Variants in BRDT observed in about 807,000 individuals in gnomAD.
The protein encoded by BRDT is bromodomain testis-specific protein.
BRDT carries 77 observed loss-of-function variants against 113.9 expected under a neutral mutation model. The ratio of observed to expected loss-of-function variants is 0.68; its 90% CI spans 0.56 to 0.82. The LOEUF is 0.82. Ranked by LOEUF, BRDT falls within the 40% of genes least tolerant of loss-of-function variation. The probability of loss-of-function intolerance (pLI) is 0.00; values close to 1 mark genes in which losing one functional copy is unlikely to be tolerated. For missense variants in BRDT, 1,027 were observed against 1,105.4 expected (o/e 0.93, Z 1.01); for synonymous variants, 358 against 366.5 (o/e 0.98, Z 0.26).
intron 15 of BRDT, among the ~76,000 whole-genome samples, chr1:91,995,609 T>G (rs1203865203): frequency 6.6e-6 from 1 of 151,846 alleles, no homozygotes; most frequent in Non-Finnish European, 1.5e-5. Flanking sequence ...ATTACAGGCA[T>G]GTGCCACCAT....
At chr1:91,968,914 ATTT>A (rs1683338101) in intron 4 of BRDT, among the ~76,000 whole-genome samples, 1 of 7,120 alleles carries the variant, frequency 1.4e-4, no homozygotes, top group Non-Finnish European at 7.8e-4. Context: ...CAGGAAAATT[ATTT>A]ATTTATTTAT....
At chr1:91,975,130 G>A (rs1402775598) in intron 4 of BRDT, among the ~76,000 whole-genome samples, 1 of 151,998 alleles carries the variant, frequency 6.6e-6, no homozygotes, top group Non-Finnish European at 1.5e-5. Context: ...GGGGCCTGTC[G>A]TGGGGTAGGG....
intron 17 of BRDT, 25 bp downstream of exon 17, chr1:92,004,644 A>T: frequency 6.5e-7 from 1 of 1,544,276 alleles, no homozygotes; most frequent in Non-Finnish European, 8.7e-7. Flanking sequence ...GGATTAAAGG[A>T]GGGTTTGGGA....
intron 17 of BRDT, 152 bp downstream of exon 17, chr1:92,004,771 C>A: frequency 1.5e-6 from 1 of 687,118 alleles, no homozygotes. Flanking sequence ...GATACTTTTT[C>A]TAAGTGATGA....
chr1:91,983,733 G>C (rs1178456658), intron 12 of BRDT, among the ~76,000 whole-genome samples: 1 of 150,790 alleles, frequency 6.6e-6, no homozygotes, highest in South Asian at 2.1e-4. Flanking sequence ...CTGTCGCCCA[G>C]GCTGGAGTGC....
chr1:92,008,607 T>C (rs1192076010), intron 18 of BRDT, among the ~76,000 whole-genome samples: 2 of 152,174 alleles, frequency 1.3e-5, no homozygotes, highest in African/African-American at 2.4e-5. Flanking sequence ...ACATCAGCCA[T>C]TATAGTTCCT....
intron 7 of BRDT, 51 bp downstream of exon 7, chr1:91,978,347 A>C: frequency 6.3e-7 from 1 of 1,591,290 alleles, no homozygotes; most frequent in South Asian, 1.1e-5. Flanking sequence ...ACATAGTTGA[A>C]ACGTTTTTTA....
chr1:91,981,697 A>G lies in BRDT; in HGVS notation c.1944A>G (p.Ser648=). 2 of 1,614,230 alleles carry G rather than the reference A, an allele frequency of 1.2e-6. No homozygotes were observed. Among genetic ancestry groups the G allele is most frequent in the Non-Finnish European group, 1.7e-6 (2 of 1,180,026 alleles). The part of the protein sequence containing the change: ...SESSSSSSSS[S]ESESSSSDLS... ...GCAGCAGCAGCAGCAGCAGCTCATC[A>G]GAGTCTGAAAGTAGCAGCAGTGACT... Residue 648 remains serine (S), a synonymous_variant, in exon 12 of 19, where the codon TCA becomes TCG. Transcript: ENST00000399546.
chr1:92,002,398 C>T (rs952770724), intron 16 of BRDT, among the ~76,000 whole-genome samples: 8 of 152,078 alleles, frequency 5.3e-5, no homozygotes, highest in African/African-American at 1.9e-4. Context: ...GAGTCTCACT[C>T]TGTCGCCTAG....
At chr1:91,967,841 A>G (rs960300760) in intron 3 of BRDT, among the ~76,000 whole-genome samples, 2 of 152,168 alleles carry the variant, frequency 1.3e-5, no homozygotes, top group African/African-American at 2.4e-5. Context: ...CGAAATTCTC[A>G]GTTTTAATAC....
intron 1 of BRDT, among the ~76,000 whole-genome samples, chr1:91,953,488 C>T (rs374034731): frequency 4.7e-4 from 72 of 151,788 alleles, no homozygotes; most frequent in East Asian, 4.3e-3. Context: ...AAGACCAGCC[C>T]GGCCAATATG....
intron 15 of BRDT, among the ~76,000 whole-genome samples, chr1:91,995,245 C>G (rs1266043463): frequency 2.0e-5 from 3 of 152,104 alleles, no homozygotes; most frequent in Non-Finnish European, 2.9e-5. Context: ...CTTCTTCCCT[C>G]TAGAATGTTC....
intron 3 of BRDT, among the ~76,000 whole-genome samples, chr1:91,965,226 A>G (rs779455039): frequency 5.3e-5 from 8 of 152,022 alleles, no homozygotes; most frequent in African/African-American, 1.2e-4. Flanking sequence ...GATCTTTTAC[A>G]TATTTTTAAG....
chr1:91,979,135 T>C (rs1366164362), intron 7 of BRDT, among the ~76,000 whole-genome samples: 7 of 147,040 alleles, frequency 4.8e-5, no homozygotes, highest in Admixed American at 2.7e-4. Flanking sequence ...TTTTTTGAGA[T>C]GGAGTTTCGT....
intron 15 of BRDT, 151 bp downstream of exon 15, chr1:91,994,405 A>G: frequency 1.5e-6 from 1 of 687,468 alleles, no homozygotes; most frequent in Non-Finnish European, 2.4e-6. Flanking sequence ...TAATCACTGA[A>G]GCACATCATT....
chr1:91,986,320 A>C (rs556731862), intron 12 of BRDT, among the ~76,000 whole-genome samples: 22 of 152,156 alleles, frequency 1.4e-4, no homozygotes, highest in African/African-American at 5.3e-4. Context: ...AATGATACTG[A>C]GAAAAAAAAA....
At chr1:92,005,034 G>C (rs1254060886) in intron 17 of BRDT, 85 bp from the exon 18 acceptor site, 6 of 1,078,170 alleles carry the variant, frequency 5.6e-6, no homozygotes, top group Non-Finnish European at 7.6e-6. Context: ...TTAATATATG[G>C]CTTTATATTT....
chr1:92,004,149 T>C (rs1387932833), intron 16 of BRDT, among the ~76,000 whole-genome samples: 1 of 152,194 alleles, frequency 6.6e-6, no homozygotes, highest in Non-Finnish European at 1.5e-5. Context: ...ATGCAGTTAA[T>C]ATATATGTCT....
At chr1:92,010,472 G>C (rs1006788660) in intron 18 of BRDT, among the ~76,000 whole-genome samples, 48 of 151,460 alleles carry the variant, frequency 3.2e-4, no homozygotes, top group African/African-American at 1.1e-3. Flanking sequence ...TTTTAGTAGA[G>C]ACAGGGTTTC....
Sources: allele counts gnomAD v4.1 joint callset (sites outside exome capture counted in the v4.1 genomes callset), GRCh38; gene constraint gnomAD v4.1.1; transcripts MANE v1.5; gene names NCBI Gene and HGNC (gene_info 2026-07-23, HGNC 2026-07-21).